UTS2B: variants seen among roughly 807,000 people sequenced by gnomAD.
UTS2B encodes urotensin 2B, also known as urotensin-2B.
In UTS2B, 21 loss-of-function variants were observed where a neutral mutation model predicts 19.2. The ratio of observed to expected loss-of-function variants is 1.09; its 90% confidence interval spans 0.78 to 1.58. The LOEUF (loss-of-function observed/expected upper bound fraction) is 1.58. UTS2B is among the 40% of genes most tolerant of loss of function. The probability of loss-of-function intolerance (pLI) is 0.00; values close to 1 mark genes in which losing one functional copy is unlikely to be tolerated. For missense variants in UTS2B, 138 were observed against 130.3 expected, an observed-to-expected ratio of 1.06 and a Z score of -0.29; for synonymous variants, 57 against 50.2, an observed-to-expected ratio of 1.14 and a Z score of -0.58.
At chr3:191,344,630 T>C in the UTS2B span, among the ~76,000 whole-genome samples, 1 of 152,132 alleles carries the variant, frequency 6.6e-6, no homozygotes, top group Non-Finnish European at 1.5e-5. Flanking sequence ...GCAGGCTGGA[T>C]TGCAGTAGCA....
intron 2 of UTS2B, among the ~76,000 whole-genome samples, chr3:191,323,934 C>A (rs555595113): frequency 1.5e-3 from 231 of 152,218 alleles, no homozygotes; most frequent in Non-Finnish European, 2.8e-3. Context: ...CAGTGAAATA[C>A]CCTGAGAGGA....
intron 2 of UTS2B, among the ~76,000 whole-genome samples, chr3:191,317,123 T>C (rs1717481594): frequency 6.6e-6 from 1 of 152,170 alleles, no homozygotes. Flanking sequence ...GGCTCGGGCA[T>C]AGCGGGCTGC....
intron 8 of UTS2B, among the ~76,000 whole-genome samples, chr3:191,272,654 A>T (rs1716121540): frequency 6.6e-6 from 1 of 152,096 alleles, no homozygotes; most frequent in Non-Finnish European, 1.5e-5. Context: ...TGAGGTCAGG[A>T]GTTCGAGAAC....
intron 3 of UTS2B, among the ~76,000 whole-genome samples, chr3:191,314,186 G>A (rs778747064): frequency 6.6e-6 from 1 of 152,196 alleles, no homozygotes; most frequent in Admixed American, 6.5e-5. Context: ...TATTTCCAGT[G>A]ACAATTCATT....
chr3:191,336,980 G>T, the UTS2B span, among the ~76,000 whole-genome samples: 1 of 152,144 alleles, frequency 6.6e-6, no homozygotes, highest in Non-Finnish European at 1.5e-5. Flanking sequence ...ATAATGTTTT[G>T]TGATGTGAAA....
Position 191,309,933 on chromosome 3 carries a change from A to AT in UTS2B, c.-181-5386dup, listed in dbSNP as rs559242866. ...TTCATAAAATTATCCAGTCTTGAGA[A>AT]TTTTTTTTTTCTTTCTTTTTTCCTT... On this transcript the variant is annotated intron_variant, in intron 3 of 8. Transcript: ENST00000340524. Among the ~76,000 whole-genome samples the AT allele has an allele frequency of 9.4e-5, 14 of 149,038 alleles. No individual in the cohort carries two copies. The East Asian group carries it at 1.2e-3, about 12-fold the overall frequency.
At chr3:191,290,115 G>A (rs1158631894) in intron 4 of UTS2B, among the ~76,000 whole-genome samples, 1 of 152,094 alleles carries the variant, frequency 6.6e-6, no homozygotes, top group Non-Finnish European at 1.5e-5. Context: ...AGACAAAGAA[G>A]TCCCTGTTTC....
chr3:191,332,094 C>A (rs1230390526), upstream of UTS2B, among the ~76,000 whole-genome samples: 2 of 151,994 alleles, frequency 1.3e-5, no homozygotes, highest in Non-Finnish European at 2.9e-5. Context: ...GAGTGTGTGC[C>A]CGTTTCCATT....
intron 2 of UTS2B, among the ~76,000 whole-genome samples, chr3:191,319,400 C>T (rs186461883): frequency 7.9e-5 from 12 of 152,222 alleles, no homozygotes; most frequent in African/African-American, 2.9e-4. Context: ...ATAAATGGCT[C>T]GTAAACAAAA....
At chr3:191,312,631 A>C (rs764659653) in intron 3 of UTS2B, among the ~76,000 whole-genome samples, 3 of 152,058 alleles carry the variant, frequency 2.0e-5, no homozygotes, top group African/African-American at 7.2e-5. Context: ...CTTCTTAACC[A>C]CAGGTGAAGT....
chr3:191,273,568 C>T (rs1181708503), intron 8 of UTS2B: 7 of 456,612 alleles, frequency 1.5e-5, no homozygotes, highest in Non-Finnish European at 2.6e-5. Context: ...GATAGGGCTA[C>T]AGAATAGAGT....
chr3:191,293,476 T>C (rs1387508020), intron 4 of UTS2B, among the ~76,000 whole-genome samples: 3 of 150,064 alleles, frequency 2.0e-5, no homozygotes, highest in Non-Finnish European at 4.4e-5. Context: ...TTTTTGTCTT[T>C]CTAAGAATTT....
chr3:191,285,206 G>A (rs1394944522), intron 4 of UTS2B, among the ~76,000 whole-genome samples: 2 of 143,922 alleles, frequency 1.4e-5, no homozygotes, highest in Non-Finnish European at 3.1e-5. Context: ...CATAAAATAT[G>A]AGGAGGTTAA....
intron 1 of UTS2B, chr3:191,329,333 C>T: frequency 3.6e-6 from 1 of 276,236 alleles, no homozygotes; most frequent in Non-Finnish European, 6.7e-6. Context: ...CTCCCCCTCC[C>T]CCAGCCGGCC....
intron 1 of UTS2B, chr3:191,329,813 G>A: frequency 7.2e-7 from 1 of 1,391,410 alleles, no homozygotes; most frequent in Non-Finnish European, 9.9e-7. Flanking sequence ...TTCGGCTCCC[G>A]CGGCCCTCGC....
At chr3:191,333,596 G>T (rs1281549428), upstream of UTS2B, among the ~76,000 whole-genome samples, 2 of 152,238 alleles carry the variant, frequency 1.3e-5, no homozygotes, top group African/African-American at 2.4e-5. Context: ...GAGCTAGGAG[G>T]TTTATGTCTT....
intron 4 of UTS2B, among the ~76,000 whole-genome samples, chr3:191,289,939 T>A (rs1716668050): frequency 6.6e-6 from 1 of 152,210 alleles, no homozygotes; most frequent in African/African-American, 2.4e-5. Flanking sequence ...AAGTAAATTT[T>A]AAGTGTTCTC....
chr3:191,308,529 AATT>A (rs981155495), intron 3 of UTS2B, among the ~76,000 whole-genome samples: 20 of 152,210 alleles, frequency 1.3e-4, no homozygotes, highest in African/African-American at 3.6e-4. Context: ...TCAATCTTGC[AATT>A]ATTGAGATTT....
At chr3:191,300,790 CT>C (rs1291515613) in intron 4 of UTS2B, among the ~76,000 whole-genome samples, 1 of 152,230 alleles carries the variant, frequency 6.6e-6, no homozygotes, top group Non-Finnish European at 1.5e-5. Flanking sequence ...CCCTCTCTCT[CT>C]TGCTCTTGCT....
Sources: gnomAD v4.1 joint callset for allele counts (sites outside exome capture counted in the v4.1 genomes callset) on GRCh38, gnomAD v4.1.1 for gene constraint, MANE v1.5 for transcripts, NCBI Gene and HGNC (gene_info 2026-07-23, HGNC 2026-07-21) for gene names.